The following RBFOX1 variants were observed in gnomAD, a reference collection of about 807,000 sequenced individuals.
RBFOX1 encodes the protein RNA binding protein fox-1 homolog 1.
In RBFOX1, 8 loss-of-function variants were observed where a neutral mutation model predicts 57.7. The observed-to-expected ratio is 0.14, with a 90% confidence interval of 0.08 to 0.25. The LOEUF is 0.25. Ranked by LOEUF, RBFOX1 falls within the 10% of genes least tolerant of loss-of-function variation. The pLI is 1.00. For missense variants in RBFOX1, 611 were observed against 548.5 expected, an observed-to-expected ratio of 1.11 and a Z score of -1.14; for synonymous variants, 326 against 222.4, an observed-to-expected ratio of 1.47 and a Z score of -4.15.
chr16:6,656,058 A>G (rs923739297), intron 3 of RBFOX1, among the ~76,000 whole-genome samples: 1 of 152,162 alleles, frequency 6.6e-6, no homozygotes, highest in African/African-American at 2.4e-5. Flanking sequence ...AGGAATTTCA[A>G]TTCATGTTTG....
intron 3 of RBFOX1, among the ~76,000 whole-genome samples, chr16:6,823,990 C>T (rs1312143461): frequency 6.6e-6 from 1 of 152,212 alleles, no homozygotes; most frequent in Non-Finnish European, 1.5e-5. Flanking sequence ...TGGGTATGAG[C>T]TGGCCCCATG....
intron 1 of RBFOX1, 42 bp downstream of exon 1, chr16:6,020,034 C>G (rs1191871262): frequency 1.3e-5 from 19 of 1,446,816 alleles, no homozygotes; most frequent in Admixed American, 2.2e-5. Flanking sequence ...CCACCCTGAC[C>G]TGGTGGGTCA....
chr16:5,817,458 A>G (rs998547643), intron 3 of RBFOX1, among the ~76,000 whole-genome samples: 3 of 152,116 alleles, frequency 2.0e-5, no homozygotes, highest in Non-Finnish European at 2.9e-5. Flanking sequence ...TGTCTTTTCA[A>G]TGAGTAAGAG....
At chr16:7,708,818 G>C (rs2083332393) in intron 14 of RBFOX1, among the ~76,000 whole-genome samples, 1 of 63,700 alleles carries the variant, frequency 1.6e-5, no homozygotes, top group South Asian at 8.9e-4. Flanking sequence ...GCATATGTAA[G>C]TACGTGTGTA....
chr16:7,347,508 G>C (rs544577950), intron 4 of RBFOX1, among the ~76,000 whole-genome samples: 3 of 152,102 alleles, frequency 2.0e-5, no homozygotes, highest in Non-Finnish European at 2.9e-5. Flanking sequence ...CGTGGGAATC[G>C]TGGGAGATAC....
At position 6,860,669 on chromosome 16, in the gene RBFOX1, G is replaced by C. The variant is rs549146160; in HGVS notation, c.-15-191388G>C. Among the ~76,000 whole-genome samples, 20 of 152,256 alleles carry C rather than the reference G, an allele frequency of 1.3e-4. No homozygotes were observed. The South Asian group carries it at 3.7e-3, about 28-fold the overall frequency. On this transcript the variant is annotated intron_variant, in intron 3 of 15. Coordinates refer to ENST00000550418, the MANE Select transcript of RBFOX1 (RefSeq NM_018723.4). ...ATTGTCCACCAATAGGGAAATAGAA[G>C]ATAAATTGTAGCAAAAGTCATGTCT...
intron 4 of RBFOX1, among the ~76,000 whole-genome samples, chr16:7,185,804 A>T (rs891825290): frequency 6.6e-6 from 1 of 152,232 alleles, no homozygotes; most frequent in Non-Finnish European, 1.5e-5. Flanking sequence ...AGATCTGAGC[A>T]TCAGTCAGAC....
At chr16:6,620,079 T>C (rs1412792398) in intron 2 of RBFOX1, among the ~76,000 whole-genome samples, 2 of 152,210 alleles carry the variant, frequency 1.3e-5, no homozygotes, top group African/African-American at 2.4e-5. Flanking sequence ...ATGGTGCATA[T>C]GGACCACATT....
At chr16:5,704,966 C>A (rs1432181809) in intron 3 of RBFOX1, among the ~76,000 whole-genome samples, 1 of 152,140 alleles carries the variant, frequency 6.6e-6, no homozygotes, top group African/African-American at 2.4e-5. Flanking sequence ...AAAACCTGCT[C>A]ATCTCCAAGG....
In RBFOX1 at chr16:6,764,640, A is replaced by T. The variant is rs185595900; in HGVS notation, c.-16+109990A>T. The stretch of plus-strand genomic sequence containing the variant: ...AAAACAATTAGAGATGATAATTATT[A>T]AGAGTAAATGCATGGGCTGGGTGCA... On this transcript the variant is annotated intron_variant, in intron 3 of 15. Coordinates refer to ENST00000550418, the MANE Select transcript of RBFOX1 (RefSeq NM_018723.4). Among the ~76,000 whole-genome samples the T allele has an allele frequency of 2.6e-5, 4 of 152,326 alleles. No individual in the cohort carries two copies. In the East Asian group the frequency reaches 7.7e-4, roughly 29 times the overall value.
intron 3 of RBFOX1, among the ~76,000 whole-genome samples, chr16:6,886,290 G>A (rs1010786415): frequency 1.3e-5 from 2 of 151,866 alleles, no homozygotes; most frequent in East Asian, 3.9e-4. Context: ...TCGATCTCTT[G>A]ACCTCACGTG....
intron 4 of RBFOX1, among the ~76,000 whole-genome samples, chr16:7,117,653 A>T (rs529781693): frequency 3.1e-4 from 47 of 152,370 alleles, no homozygotes; most frequent in Non-Finnish European, 5.4e-4. Context: ...TACGCTGCAT[A>T]GCACATTACC....
intron 3 of RBFOX1, among the ~76,000 whole-genome samples, chr16:6,806,821 T>TATAAATATATATATAA (rs1448061371): frequency 3.8e-5 from 3 of 78,006 alleles, no homozygotes; most frequent in African/African-American, 1.4e-4. Context: ...TATATAAATA[T>TATAAATATATATATAA]ATATATATAT....
intron 14 of RBFOX1, among the ~76,000 whole-genome samples, chr16:7,688,260 T>TGTGTGTGAGAGAGA (rs1319185243): frequency 1.6e-5 from 2 of 125,296 alleles, no homozygotes; most frequent in African/African-American, 5.9e-5. Context: ...TGTGTGTGTG[T>TGTGTGTGAGAGAGA]GAGAGAGAGA....
At chr16:5,309,609 G>A (rs548157982) in intron 1 of RBFOX1, among the ~76,000 whole-genome samples, 2 of 152,200 alleles carry the variant, frequency 1.3e-5, no homozygotes, top group African/African-American at 4.8e-5. Flanking sequence ...TAACCATCAC[G>A]TGAATAGTGT....
intron 3 of RBFOX1, among the ~76,000 whole-genome samples, chr16:6,891,379 GT>G (rs2065373517): frequency 6.6e-6 from 1 of 152,056 alleles, no homozygotes; most frequent in African/African-American, 2.4e-5. Flanking sequence ...CTAAATTTGG[GT>G]CTACCCAGTT....
intron 12 of RBFOX1, among the ~76,000 whole-genome samples, chr16:7,654,779 C>T (rs2065912896): frequency 6.6e-6 from 1 of 152,142 alleles, no homozygotes; most frequent in Admixed American, 6.5e-5. Flanking sequence ...GGCCCTAGAC[C>T]AGGGGACATT....
intron 2 of RBFOX1, among the ~76,000 whole-genome samples, chr16:6,354,695 G>T (rs559855325): frequency 9.2e-5 from 14 of 152,052 alleles, no homozygotes; most frequent in African/African-American, 3.1e-4. Flanking sequence ...TGCACAGGCC[G>T]TTCCTGTACC....
intron 4 of RBFOX1, among the ~76,000 whole-genome samples, chr16:7,114,670 C>G (rs534057086): frequency 6.6e-6 from 1 of 152,288 alleles, no homozygotes; most frequent in East Asian, 1.9e-4. Flanking sequence ...TGCCTTCTTC[C>G]CCTGCCTCTC....
Sources: gnomAD v4.1 joint callset for allele counts (sites outside exome capture counted in the v4.1 genomes callset) on GRCh38, gnomAD v4.1.1 for gene constraint, MANE v1.5 for transcripts, NCBI Gene and HGNC (gene_info 2026-07-23, HGNC 2026-07-21) for gene names.